Variants in FBXO34 observed in about 807,000 individuals in gnomAD.
FBXO34 encodes F-box only protein 34.
FBXO34 carries 12 observed loss-of-function variants against 24.5 expected under a neutral mutation model. That is an observed-to-expected ratio of 0.49 (90% CI 0.31 to 0.79). The LOEUF (loss-of-function observed/expected upper bound fraction) is 0.79, where lower values mean the gene tolerates loss of function less well. Among genes scored for constraint, FBXO34 ranks in the 30% least tolerant of loss-of-function variants. The pLI, the probability that FBXO34 is intolerant of heterozygous loss-of-function variation, is 0.04. For missense variants in FBXO34, 823 were observed against 857.7 expected, an observed-to-expected ratio of 0.96 and a Z score of 0.51; for synonymous variants, 320 against 311.9, an observed-to-expected ratio of 1.03 and a Z score of -0.27.
downstream of FBXO34, among the ~76,000 whole-genome samples, chr14:55,353,841 C>G (rs1244972902): frequency 6.6e-6 from 1 of 152,076 alleles, no homozygotes; most frequent in Admixed American, 6.6e-5. Context: ...GTTCGAGTGA[C>G]GTATTATCTA....
intron 1 of FBXO34, among the ~76,000 whole-genome samples, chr14:55,316,415 T>C (rs1202847812): frequency 6.6e-6 from 1 of 150,922 alleles, no homozygotes; most frequent in Non-Finnish European, 1.5e-5. Flanking sequence ...GGTGAAACCC[T>C]GTCTCTACAA....
the FBXO34 span, among the ~76,000 whole-genome samples, chr14:55,376,836 A>G: frequency 3.3e-5 from 5 of 152,228 alleles, no homozygotes; most frequent in African/African-American, 1.2e-4. Flanking sequence ...AAAAAAGGGC[A>G]AACACCCAGC....
downstream of FBXO34, among the ~76,000 whole-genome samples, chr14:55,362,388 A>G (rs1323655784): frequency 6.6e-6 from 1 of 152,238 alleles, no homozygotes; most frequent in Non-Finnish European, 1.5e-5. Flanking sequence ...AGAATTATCA[A>G]AATGTCAGAC....
At chr14:55,299,182 C>A in intron 1 of FBXO34, 1 of 1,004,426 alleles carries the variant, frequency 1.0e-6, no homozygotes, top group Non-Finnish European at 1.6e-6. Context: ...GTCCCTCTAC[C>A]AAATGTTCCC....
At chr14:55,307,555 A>G (rs1751072056) in intron 1 of FBXO34, among the ~76,000 whole-genome samples, 2 of 152,204 alleles carry the variant, frequency 1.3e-5, no homozygotes, top group African/African-American at 4.8e-5. Context: ...TTCACTGCAC[A>G]TCTTTACCTT....
chr14:55,435,273 G>T, the FBXO34 span, among the ~76,000 whole-genome samples: 1 of 145,272 alleles, frequency 6.9e-6, no homozygotes, highest in Non-Finnish European at 1.5e-5. Context: ...CAATAGTCAG[G>T]TGAAATTTTT....
At chr14:55,356,077 GT>G (rs1884518438), downstream of FBXO34, among the ~76,000 whole-genome samples, 2 of 152,206 alleles carry the variant, frequency 1.3e-5, no homozygotes, top group African/African-American at 4.8e-5. Context: ...CTCTGAGCCG[GT>G]GGTTATGTTA....
rs2140094573 is a variant in FBXO34 at position 55,352,583 on chromosome 14, AC to A, written c.*58del. 1.4e-6 allele frequency: 2 copies of A among 1,419,666 alleles called. No homozygotes were observed. Among genetic ancestry groups the A allele is most frequent in the South Asian group, 2.8e-5 (2 of 71,930 alleles). 87.9% of individuals were successfully genotyped at this position (1,419,666 alleles called of 1,614,324 possible). The stretch of plus-strand genomic sequence containing the variant: ...TTCTAAAGCTGCAAAACACCTAGAT[AC>A]ACCGTTCAAATGAGCGTAGCCCCCT... On this transcript the variant is annotated 3_prime_UTR_variant, in exon 2 of 2. Transcript: ENST00000313833.
the FBXO34 span, among the ~76,000 whole-genome samples, chr14:55,400,814 G>A: frequency 3.9e-5 from 6 of 152,186 alleles, no homozygotes; most frequent in Middle Eastern, 6.8e-3. Flanking sequence ...TGAGGCAGGA[G>A]AATTGCTTGA....
the FBXO34 span, among the ~76,000 whole-genome samples, chr14:55,422,974 T>TA: frequency 2.2e-3 from 325 of 151,000 alleles, 5 homozygotes; most frequent in African/African-American, 6.4e-3. Context: ...CAAAAATTAT[T>TA]TAAAAAAAAG....
chr14:55,311,845 A>T (rs1303733304), intron 1 of FBXO34, among the ~76,000 whole-genome samples: 2 of 151,870 alleles, frequency 1.3e-5, no homozygotes, highest in Non-Finnish European at 2.9e-5. Context: ...CTCCTGCCTT[A>T]GCCTCCCAAG....
At chr14:55,290,891 C>T (rs1164744876) in intron 1 of FBXO34, among the ~76,000 whole-genome samples, 2 of 152,216 alleles carry the variant, frequency 1.3e-5, no homozygotes, top group Non-Finnish European at 2.9e-5. Flanking sequence ...ACTATCTCAG[C>T]TCACTGCAAC....
chr14:55,357,457 AC>A (rs34727433), downstream of FBXO34, among the ~76,000 whole-genome samples: 1 of 152,184 alleles, frequency 6.6e-6, no homozygotes, highest in South Asian at 2.1e-4. Flanking sequence ...TCCTTTTGGG[AC>A]CCCCCTCTCA....
intron 1 of FBXO34, among the ~76,000 whole-genome samples, chr14:55,276,968 A>G (rs2139629556): frequency 6.6e-6 from 1 of 152,328 alleles, no homozygotes; most frequent in Admixed American, 6.5e-5. Context: ...GGCCAGGTGA[A>G]TAAGGATAAA....
At chr14:55,334,932 A>G (rs1449060140) in intron 1 of FBXO34, among the ~76,000 whole-genome samples, 1 of 152,152 alleles carries the variant, frequency 6.6e-6, no homozygotes, top group African/African-American at 2.4e-5. Context: ...TGGTAGAACA[A>G]ACTCTTCCTT....
downstream of FBXO34, among the ~76,000 whole-genome samples, chr14:55,364,194 C>T (rs1207068448): frequency 6.6e-6 from 1 of 152,008 alleles, no homozygotes; most frequent in African/African-American, 2.4e-5. Flanking sequence ...GGTGATCCAC[C>T]TGCCTTGGCC....
At chr14:55,342,068 A>C (rs1159210184) in intron 1 of FBXO34, among the ~76,000 whole-genome samples, 3 of 152,244 alleles carry the variant, frequency 2.0e-5, no homozygotes. Flanking sequence ...AAAGAAAACC[A>C]AAGTGTAGTG....
intron 1 of FBXO34, among the ~76,000 whole-genome samples, chr14:55,314,269 G>C (rs1010886723): frequency 6.6e-6 from 1 of 152,048 alleles, no homozygotes; most frequent in Non-Finnish European, 1.5e-5. Flanking sequence ...AATGGATTTT[G>C]TTACCACCTT....
chr14:55,437,344 A>C, the FBXO34 span, among the ~76,000 whole-genome samples: 1 of 152,214 alleles, frequency 6.6e-6, no homozygotes, highest in Non-Finnish European at 1.5e-5. Context: ...AGAGCATGGT[A>C]GTGCCTGCCT....
Sources: allele counts gnomAD v4.1 joint callset (sites outside exome capture counted in the v4.1 genomes callset), GRCh38; gene constraint gnomAD v4.1.1; transcripts MANE v1.5; gene names NCBI Gene and HGNC (gene_info 2026-07-23, HGNC 2026-07-21).